The following HNRNPC variants were observed in gnomAD, a reference collection of about 807,000 sequenced individuals.
HNRNPC encodes the protein heterogeneous nuclear ribonucleoprotein C, also known as heterogeneous nuclear ribonucleoproteins C1/C2.
Under a neutral mutation model 33.2 loss-of-function variants are expected in HNRNPC, and 3 were observed. That is an observed-to-expected ratio of 0.09 (90% CI 0.04 to 0.23). The LOEUF (loss-of-function observed/expected upper bound fraction) is 0.23. Among genes scored for constraint, HNRNPC ranks in the 10% least tolerant of loss-of-function variants. HNRNPC has a pLI of 1.00. For missense variants in HNRNPC, 143 were observed against 366.7 expected, an observed-to-expected ratio of 0.39 and a Z score of 4.98; for synonymous variants, 121 against 126.7, an observed-to-expected ratio of 0.96 and a Z score of 0.30.
chr14:21,226,171 A>G (rs1201148448), intron 5 of HNRNPC, among the ~76,000 whole-genome samples: 1 of 151,586 alleles, frequency 6.6e-6, no homozygotes, highest in Non-Finnish European at 1.5e-5. Flanking sequence ...AAATACAAAA[A>G]ATCAGCTGGG....
At chr14:21,257,679 G>C (rs983375352) in intron 2 of HNRNPC, among the ~76,000 whole-genome samples, 4 of 152,074 alleles carry the variant, frequency 2.6e-5, no homozygotes, top group African/African-American at 9.7e-5. Flanking sequence ...TCAAACTCCT[G>C]AACTCAATTA....
chr14:21,235,039 TAC>T (rs1265336891), intron 2 of HNRNPC, among the ~76,000 whole-genome samples: 1 of 152,042 alleles, frequency 6.6e-6, no homozygotes, highest in Non-Finnish European at 1.5e-5. Flanking sequence ...TAAAGAAAAA[TAC>T]ACAACTTTCC....
intron 1 of HNRNPC, among the ~76,000 whole-genome samples, chr14:21,267,093 C>T (rs112151435): frequency 0.51 from 51,715 of 101,898 alleles, 9,849 homozygotes; most frequent in Admixed American, 0.6. Flanking sequence ...GAGACTCCGT[C>T]TCAAAAAAAA....
At chr14:21,254,164 A>G (rs967360041) in intron 2 of HNRNPC, among the ~76,000 whole-genome samples, 4 of 152,148 alleles carry the variant, frequency 2.6e-5, no homozygotes, top group African/African-American at 7.2e-5. Context: ...GTAAGAAAAT[A>G]AAGATATGCA....
intron 1 of HNRNPC, chr14:21,264,425 G>A (rs2139051938): frequency 6.6e-6 from 1 of 151,902 alleles, no homozygotes; most frequent in East Asian, 1.9e-4. Flanking sequence ...AATACAGATG[G>A]AATTAAAAAA....
intron 5 of HNRNPC, among the ~76,000 whole-genome samples, chr14:21,226,566 TA>T (rs11303112): frequency 0.19 from 28,854 of 151,770 alleles, 3,317 homozygotes; most frequent in African/African-American, 0.29. Context: ...AAATGAATAT[TA>T]AAAAGAGGGC....
chr14:21,244,642 T>C (rs1034420855), intron 2 of HNRNPC, among the ~76,000 whole-genome samples: 1 of 152,222 alleles, frequency 6.6e-6, no homozygotes, highest in Non-Finnish European at 1.5e-5. Flanking sequence ...CATTGCTTAA[T>C]GACAGGGAAA....
At chr14:21,232,958 A>C (rs1389844394) in intron 3 of HNRNPC, among the ~76,000 whole-genome samples, 1 of 151,442 alleles carries the variant, frequency 6.6e-6, no homozygotes, top group African/African-American at 2.4e-5. Flanking sequence ...AATCGCTTGA[A>C]CCCGGGAGGC....
intron 5 of HNRNPC, 104 bp downstream of exon 5, chr14:21,230,215 A>C: frequency 1.4e-6 from 1 of 711,820 alleles, no homozygotes; most frequent in Admixed American, 2.7e-5. Context: ...GAGTTAGGGG[A>C]GTATGTTTGA....
intron 2 of HNRNPC, among the ~76,000 whole-genome samples, chr14:21,249,593 CAAAAAAAAAA>C (rs756880620): frequency 3.6e-5 from 3 of 83,446 alleles, no homozygotes; most frequent in East Asian, 5.5e-4. Flanking sequence ...GTCTCAAAAA[CAAAAAAAAAA>C]AAAAAAAAAA....
chr14:21,239,124 A>C (rs1025952074), intron 2 of HNRNPC, among the ~76,000 whole-genome samples: 1 of 152,162 alleles, frequency 6.6e-6, no homozygotes, highest in Non-Finnish European at 1.5e-5. Flanking sequence ...ACACTGTCTC[A>C]AAAACAAACA....
At chr14:21,239,867 G>C (rs969865937) in intron 2 of HNRNPC, among the ~76,000 whole-genome samples, 28 of 152,084 alleles carry the variant, frequency 1.8e-4, no homozygotes, top group African/African-American at 6.8e-4. Context: ...GTGTGAGACT[G>C]GGTCTCAAGA....
At chr14:21,224,541 C>A (rs1893201170) in intron 5 of HNRNPC, among the ~76,000 whole-genome samples, 1 of 152,098 alleles carries the variant, frequency 6.6e-6, no homozygotes, top group Non-Finnish European at 1.5e-5. Flanking sequence ...ACTTTCATAC[C>A]TTTAGTCCAA....
At chr14:21,222,040 CAAAAAAAAAA>C (rs71112558) in intron 5 of HNRNPC, among the ~76,000 whole-genome samples, 1 of 65,692 alleles carries the variant, frequency 1.5e-5, no homozygotes, top group Non-Finnish European at 2.6e-5. Context: ...GACTCCGTCT[CAAAAAAAAAA>C]AAAAAAAAAA....
intron 2 of HNRNPC, 78 bp downstream of exon 2, chr14:21,263,233 T>C (rs966173272): frequency 3.9e-5 from 6 of 152,088 alleles, no homozygotes; most frequent in Non-Finnish European, 5.9e-5. Flanking sequence ...TAATAAGTAA[T>C]AGTAACTAGT....
In HNRNPC at chr14:21,209,929, T is replaced by A. The variant is rs1891440363; in HGVS notation, c.*1294A>T. 1.3e-5 allele frequency: 2 copies of A among 152,186 alleles called. No homozygotes were observed. Among genetic ancestry groups the A allele is most frequent in the African/African-American group, 4.8e-5 (2 of 41,452 alleles). The allele number at this position is 152,186 out of a possible 1,614,324, so 9.4% of individuals were successfully genotyped here. ...AATGCAATCACTGTAATTAATAAAG[T>A]TGAGGAAAACACAAAGATTAGCTAA... On this transcript the variant is annotated 3_prime_UTR_variant, in exon 9 of 9. Coordinates refer to ENST00000553300, the MANE Select transcript of HNRNPC (RefSeq NM_004500.4).
chr14:21,264,553 G>C (rs2139053028), intron 1 of HNRNPC: 1 of 152,272 alleles, frequency 6.6e-6, no homozygotes, highest in South Asian at 2.1e-4. Flanking sequence ...TCAAGTTATG[G>C]ATTCTAAAAA....
chr14:21,258,221 T>A (rs1877559566), intron 2 of HNRNPC, among the ~76,000 whole-genome samples: 1 of 151,926 alleles, frequency 6.6e-6, no homozygotes, highest in Non-Finnish European at 1.5e-5. Flanking sequence ...TGAAACCCCA[T>A]CTCTACTAAA....
intron 2 of HNRNPC, among the ~76,000 whole-genome samples, chr14:21,238,318 T>A (rs558982375): frequency 6.6e-6 from 1 of 152,318 alleles, no homozygotes; most frequent in Admixed American, 6.5e-5. Context: ...GTCAAAAAAA[T>A]AGTATCTGAA....
Sources: gnomAD v4.1 joint callset for allele counts (sites outside exome capture counted in the v4.1 genomes callset) on GRCh38, gnomAD v4.1.1 for gene constraint, MANE v1.5 for transcripts, NCBI Gene and HGNC (gene_info 2026-07-23, HGNC 2026-07-21) for gene names.